The following SPP2 variants were observed in gnomAD, a reference collection of about 807,000 sequenced individuals.
SPP2 encodes the protein secreted phosphoprotein 2.
SPP2 carries 34 observed loss-of-function variants against 28.8 expected under a neutral mutation model. The ratio of observed to expected loss-of-function variants is 1.18; its 90% CI spans 0.90 to 1.57. SPP2 has a LOEUF of 1.57. SPP2 is among the 40% of genes most tolerant of loss of function. SPP2 has a pLI of 0.00. For synonymous variants in SPP2, 96 were observed against 89.4 expected (o/e 1.07, Z -0.42); for missense variants, 269 against 263.9 (o/e 1.02, Z -0.13).
intron 7 of SPP2, among the ~76,000 whole-genome samples, chr2:234,075,537 C>T (rs1359430696): frequency 6.6e-6 from 1 of 152,158 alleles, no homozygotes; most frequent in East Asian, 1.9e-4. Context: ...ACCCTCTGAC[C>T]TCTGAGATTT....
chr2:234,077,036 G>A lies in SPP2; in HGVS notation c.*202G>A, dbSNP rs1268548401. On this transcript the variant is annotated 3_prime_UTR_variant, in exon 8 of 8. Transcript: ENST00000168148. ...TTTTCTCTTAACAGCAAAATGCAATGGAAGGAAGAAAAGTTCCAACAAAGA... is the reference window on the plus strand; with the variant it reads ...TTTTCTCTTAACAGCAAAATGCAATAGAAGGAAGAAAAGTTCCAACAAAGA... 1 of 152,078 alleles carries A rather than the reference G, an allele frequency of 6.6e-6. No homozygotes were observed. Among genetic ancestry groups the A allele is most frequent in the African/African-American group, 2.4e-5 (1 of 41,420 alleles). 9.4% of individuals were successfully genotyped at this position (152,078 alleles called of 1,614,324 possible).
intron 2 of SPP2, among the ~76,000 whole-genome samples, chr2:234,053,047 C>A (rs1047872731): frequency 2.6e-5 from 4 of 151,764 alleles, no homozygotes; most frequent in Non-Finnish European, 5.9e-5. Flanking sequence ...AAACAATTCA[C>A]GAAAGAGGAA....
chr2:234,059,535 G>A (rs1427661749), intron 3 of SPP2, among the ~76,000 whole-genome samples: 2 of 152,012 alleles, frequency 1.3e-5, no homozygotes, highest in Non-Finnish European at 2.9e-5. Context: ...CAGTTTCTCG[G>A]AAAAACAAAC....
intron 4 of SPP2, among the ~76,000 whole-genome samples, chr2:234,061,923 G>T (rs1457198023): frequency 1.3e-5 from 2 of 152,180 alleles, no homozygotes; most frequent in African/African-American, 4.8e-5. Context: ...TCTCAGGGCT[G>T]GGGCGAGTAC....
At chr2:234,051,758 A>C (rs1218772404) in intron 2 of SPP2, among the ~76,000 whole-genome samples, 1 of 152,156 alleles carries the variant, frequency 6.6e-6, no homozygotes, top group Non-Finnish European at 1.5e-5. Context: ...AAGCAAATTT[A>C]GGTTAAGGTG....
intron 2 of SPP2, among the ~76,000 whole-genome samples, chr2:234,053,549 G>A (rs532478465): frequency 6.6e-6 from 1 of 151,318 alleles, no homozygotes; most frequent in Non-Finnish European, 1.5e-5. Flanking sequence ...TCTGAGGGCG[G>A]GACTCATATT....
intron 2 of SPP2, among the ~76,000 whole-genome samples, chr2:234,056,671 C>T (rs1297366812): frequency 6.6e-6 from 1 of 151,938 alleles, no homozygotes; most frequent in Admixed American, 6.6e-5. Flanking sequence ...GTGGAGGGCC[C>T]CAAACAATGG....
intron 6 of SPP2, among the ~76,000 whole-genome samples, chr2:234,069,645 C>G (rs982852437): frequency 6.6e-6 from 1 of 152,118 alleles, no homozygotes; most frequent in Non-Finnish European, 1.5e-5. Flanking sequence ...ATAAATGTGG[C>G]AGTTCCTGCC....
rs150700652 is a variant in SPP2, at chr2:234,060,422, C to A, written c.387C>A (p.Gly129=). The part of the protein sequence containing the change: ...TVKVSAQQVQ[G]VHARCSWSSS... ...AGGTATCTGCCCAGCAGGTGCAGGG[C>A]GTGCATGCTCGCTGCAGCTGGTCCT... Residue 129 remains glycine (G), a synonymous_variant, in exon 4 of 8, where the codon GGC becomes GGA. Coordinates refer to ENST00000168148, the MANE Select transcript of SPP2 (RefSeq NM_006944.3). 5 of 1,613,536 alleles carry A rather than the reference C, an allele frequency of 3.1e-6. No individual in the cohort carries two copies. The highest frequency in any genetic ancestry group is 3.4e-6 in the Non-Finnish European group (4 of 1,179,890).
intron 7 of SPP2, 147 bp downstream of exon 7, chr2:234,070,170 C>T: frequency 1.7e-6 from 1 of 577,356 alleles, no homozygotes; most frequent in Non-Finnish European, 3.1e-6. Context: ...CAAGACTTCT[C>T]CTCAATTGCC....
At chr2:234,063,170 G>A (rs929577804) in intron 4 of SPP2, among the ~76,000 whole-genome samples, 1 of 151,786 alleles carries the variant, frequency 6.6e-6, no homozygotes, top group Non-Finnish European at 1.5e-5. Context: ...GAAAAAAAAT[G>A]GCAATATTAT....
intron 5 of SPP2, 48 bp from the exon 6 acceptor site, chr2:234,067,176 C>G: frequency 1.3e-6 from 2 of 1,538,386 alleles, no homozygotes; most frequent in Non-Finnish European, 1.8e-6. Context: ...ATAGAACATT[C>G]TGGAACAGTG....
chr2:234,075,909 C>T (rs1420360981), intron 7 of SPP2, among the ~76,000 whole-genome samples: 1 of 152,186 alleles, frequency 6.6e-6, no homozygotes, highest in African/African-American at 2.4e-5. Context: ...CATCTCAGAC[C>T]TCCTCCCCAC....
chr2:234,071,622 G>A (rs976119945), intron 7 of SPP2, among the ~76,000 whole-genome samples: 2 of 152,212 alleles, frequency 1.3e-5, no homozygotes, highest in Non-Finnish European at 2.9e-5. Flanking sequence ...AAGTTGGAGT[G>A]TTCACGGGCT....
intron 7 of SPP2, among the ~76,000 whole-genome samples, chr2:234,076,186 C>T (rs558908443): frequency 1.3e-5 from 2 of 152,042 alleles, no homozygotes; most frequent in Admixed American, 6.6e-5. Context: ...CCCACACACC[C>T]GACAGTGTGC....
intron 7 of SPP2, among the ~76,000 whole-genome samples, chr2:234,074,631 TGA>T (rs1690860242): frequency 6.6e-6 from 1 of 152,210 alleles, no homozygotes; most frequent in Non-Finnish European, 1.5e-5. Context: ...TCTTATTATC[TGA>T]GGCAGCTATG....
intron 7 of SPP2, among the ~76,000 whole-genome samples, chr2:234,070,810 A>T (rs968083588): frequency 4.6e-5 from 7 of 152,212 alleles, no homozygotes; most frequent in Middle Eastern, 3.4e-3. Context: ...TCCTTAGTTT[A>T]ATTCTTTCCC....
At chr2:234,056,892 AG>A (rs1459897827) in intron 2 of SPP2, among the ~76,000 whole-genome samples, 1 of 151,896 alleles carries the variant, frequency 6.6e-6, no homozygotes, top group African/African-American at 2.4e-5. Context: ...CTCAGCTTGG[AG>A]TTTTGCCACT....
At chr2:234,067,773 G>A (rs1403279025) in intron 6 of SPP2, among the ~76,000 whole-genome samples, 5 of 51,838 alleles carry the variant, frequency 9.6e-5, no homozygotes, top group Admixed American at 3.5e-4. Flanking sequence ...GCCAGACTCC[G>A]TCTCAAAAAA....
Sources: allele counts gnomAD v4.1 joint callset (sites outside exome capture counted in the v4.1 genomes callset), GRCh38; gene constraint gnomAD v4.1.1; transcripts MANE v1.5; gene names NCBI Gene and HGNC (gene_info 2026-07-23, HGNC 2026-07-21).